The following PARVB variants were observed in gnomAD, a reference collection of about 807,000 sequenced individuals.
The protein encoded by PARVB is beta-parvin.
Under a neutral mutation model 47.0 loss-of-function variants are expected in PARVB, and 46 were observed. The observed-to-expected ratio is 0.98, with a 90% CI of 0.77 to 1.25. PARVB has a LOEUF of 1.25. Ranked by LOEUF, PARVB falls within the 50% of genes most tolerant of loss-of-function variation. PARVB has a pLI of 0.00. For missense variants in PARVB, 473 were observed against 471.6 expected (o/e 1.00, Z -0.03); for synonymous variants, 196 against 196.3 (o/e 1.00, Z 0.01).
intron 5 of PARVB, among the ~76,000 whole-genome samples, chr22:44,132,499 C>T (rs1049595338): frequency 1.3e-5 from 2 of 152,112 alleles, no homozygotes; most frequent in African/African-American, 2.4e-5. Context: ...TGGTTCATTG[C>T]GGAGAGGGAG....
At chr22:44,167,584 A>C (rs2054195549) in intron 12 of PARVB, among the ~76,000 whole-genome samples, 1 of 151,648 alleles carries the variant, frequency 6.6e-6, no homozygotes, top group Non-Finnish European at 1.5e-5. Flanking sequence ...CGCCTTGGCC[A>C]CCTCCAACTC....
At chr22:44,071,700 C>T (rs1462298262) in intron 1 of PARVB, among the ~76,000 whole-genome samples, 1 of 152,198 alleles carries the variant, frequency 6.6e-6, no homozygotes, top group Non-Finnish European at 1.5e-5. Flanking sequence ...ACCTGGAAGT[C>T]ATGATTGGGC....
At chr22:44,165,380 C>G (rs1477243616) in intron 12 of PARVB, among the ~76,000 whole-genome samples, 3 of 152,238 alleles carry the variant, frequency 2.0e-5, no homozygotes, top group African/African-American at 7.2e-5. Flanking sequence ...GGCCTGGAAA[C>G]TGCTCGACAG....
intron 1 of PARVB, among the ~76,000 whole-genome samples, chr22:44,034,954 G>A (rs564663179): frequency 2.2e-4 from 33 of 152,000 alleles, no homozygotes; most frequent in African/African-American, 7.7e-4. Context: ...CAGTTGATCC[G>A]CTCACCTCAG....
At chr22:44,102,713 A>G (rs2052477763) in intron 3 of PARVB, 1 of 151,898 alleles carries the variant, frequency 6.6e-6, no homozygotes. Context: ...GGTGGGAGGC[A>G]CCTGTAATCC....
chr22:44,132,913 G>C lies in PARVB; in HGVS notation c.537G>C (p.Leu179=). The change falls in exon 6 of 13, where the codon CTG becomes CTC. Residue 179 remains leucine (L), a synonymous_variant. Coordinates refer to ENST00000338758, the MANE Select transcript of PARVB (RefSeq NM_013327.5). ...CTGCAGCAATTCACGGGAAGAACCT[G>C]GTGGCCATCCTCCACCTGCTGGTCT... ...WSVDSIHGKN[L]VAILHLLVSL... 2 of 1,613,634 alleles carry C rather than the reference G, an allele frequency of 1.2e-6. No homozygotes were observed. The highest frequency in any genetic ancestry group is 8.5e-7 in the Non-Finnish European group (1 of 1,179,592).
intron 1 of PARVB, among the ~76,000 whole-genome samples, chr22:44,055,379 C>T (rs1039022299): frequency 7.3e-5 from 11 of 151,634 alleles, no homozygotes; most frequent in Admixed American, 5.3e-4. Flanking sequence ...CTCACTCTGT[C>T]GCCAGGCTGG....
intron 7 of PARVB, among the ~76,000 whole-genome samples, chr22:44,136,792 A>G (rs1460234371): frequency 1.3e-5 from 2 of 152,232 alleles, no homozygotes; most frequent in African/African-American, 4.8e-5. Flanking sequence ...GAACATTGCA[A>G]AGTGGGGCAG....
intron 1 of PARVB, among the ~76,000 whole-genome samples, chr22:44,077,327 C>T (rs1026835753): frequency 2.0e-5 from 3 of 152,158 alleles, no homozygotes; most frequent in Admixed American, 6.5e-5. Flanking sequence ...CCTCCTTCTC[C>T]GTCTGTGTCT....
At chr22:44,151,600 G>A (rs1400762852) in intron 10 of PARVB, 49 bp downstream of exon 10, 2 of 1,457,670 alleles carry the variant, frequency 1.4e-6, no homozygotes, top group Non-Finnish European at 1.9e-6. Context: ...GCCATTTTCA[G>A]TCAGTGTTTT....
chr22:44,094,358 C>T (rs2076508), intron 2 of PARVB, among the ~76,000 whole-genome samples: 89,206 of 151,202 alleles, frequency 0.59, 26,543 homozygotes, highest in East Asian at 0.86. Flanking sequence ...TGCCATGCCA[C>T]GCCATGCCAC....
intron 4 of PARVB, among the ~76,000 whole-genome samples, chr22:44,121,049 GC>G (rs1194852376): frequency 1.2e-4 from 18 of 152,202 alleles, no homozygotes; most frequent in African/African-American, 4.3e-4. Context: ...CACCATGTTG[GC>G]CAGGATGGTC....
intron 1 of PARVB, among the ~76,000 whole-genome samples, chr22:44,063,836 A>G (rs1424049425): frequency 6.6e-6 from 1 of 152,086 alleles, no homozygotes; most frequent in Non-Finnish European, 1.5e-5. Flanking sequence ...GAAGCTCTCA[A>G]TGACCAGGCC....
chr22:44,142,379 A>G (rs1381348994), intron 8 of PARVB: 1 of 7,872 alleles, frequency 1.3e-4, no homozygotes, highest in African/African-American at 4.4e-4. Context: ...CTCTGTCTCA[A>G]AAAAAAAAAA....
chr22:44,019,724 CAG>C (rs1372290223), upstream of PARVB, among the ~76,000 whole-genome samples: 1 of 152,144 alleles, frequency 6.6e-6, no homozygotes, highest in East Asian at 1.9e-4. Context: ...AGGGAGCTAA[CAG>C]AGTGCAAACT....
Position 44,068,994 on chromosome 22 carries a change from C to T in PARVB, c.113-24934C>T, listed in dbSNP as rs935861488. On this transcript the variant is annotated intron_variant, in intron 1 of 12. Transcript: ENST00000338758. This position sits in a 1 kb window ranked among gnomAD's most constrained non-coding sequence, Gnocchi z 4.1. Reference sequence around the variant, plus strand: ...ACCCCGGTCCTTCCACAGCCTGACCCTCTGTGACCTTCCTCAAAGGCTCCC... The same window carrying T: ...ACCCCGGTCCTTCCACAGCCTGACCTTCTGTGACCTTCCTCAAAGGCTCCC... The T allele has an allele frequency of 1.9e-5, 15 of 786,506 alleles. No individual in the cohort carries two copies. The highest frequency in any genetic ancestry group is 2.9e-5 in the Non-Finnish European group (14 of 487,728). The allele number at this position is 786,506 out of a possible 1,614,324, so 48.7% of individuals were successfully genotyped here. A position where few individuals can be genotyped will look rare whatever the true frequency, so the allele number is the denominator to read the frequency against.
chr22:44,132,255 G>A (rs738485), intron 5 of PARVB, among the ~76,000 whole-genome samples: 9,500 of 152,222 alleles, frequency 0.062, 566 homozygotes, highest in South Asian at 0.25. Flanking sequence ...CCTTGCACCC[G>A]GTTTCTTGGT....
chr22:44,062,234 T>C (rs2051433122), intron 1 of PARVB, among the ~76,000 whole-genome samples: 1 of 152,096 alleles, frequency 6.6e-6, no homozygotes, highest in African/African-American at 2.4e-5. Flanking sequence ...ACCATCGACC[T>C]GGAGAGAGCC....
intron 1 of PARVB, among the ~76,000 whole-genome samples, chr22:44,081,398 C>T (rs1320470652): frequency 6.6e-6 from 1 of 152,198 alleles, no homozygotes; most frequent in East Asian, 1.9e-4. Flanking sequence ...TCTGGCCTTT[C>T]CCACATCCCC....
Sources: allele counts gnomAD v4.1 joint callset (sites outside exome capture counted in the v4.1 genomes callset), GRCh38; gene constraint gnomAD v4.1.1; non-coding constraint Gnocchi (gnomAD v3.1); transcripts MANE v1.5; gene names NCBI Gene and HGNC (gene_info 2026-07-23, HGNC 2026-07-21).